HECW2: variants seen among roughly 807,000 people sequenced by gnomAD.
The protein encoded by HECW2 is HECT, C2 and WW domain containing E3 ubiquitin protein ligase 2, also known as E3 ubiquitin-protein ligase HECW2.
Under a neutral mutation model 175.2 loss-of-function variants are expected in HECW2, and 61 were observed. The ratio of observed to expected loss-of-function variants is 0.35; its 90% CI spans 0.28 to 0.43. The LOEUF is 0.43. Among genes scored for constraint, HECW2 ranks in the 20% least tolerant of loss-of-function variants. The pLI, the probability that HECW2 is intolerant of heterozygous loss-of-function variation, is 1.00. For missense variants in HECW2, 1,524 were observed against 2,000.5 expected (o/e 0.76, Z 4.54); for synonymous variants, 671 against 731.0 (o/e 0.92, Z 1.32).
chr2:196,566,830 G>T (rs907562705), intron 1 of HECW2, among the ~76,000 whole-genome samples: 2 of 147,562 alleles, frequency 1.4e-5, no homozygotes, highest in Non-Finnish European at 1.5e-5. Context: ...TACTTTCTAT[G>T]TATTACCCAA....
At chr2:196,338,799 G>A (rs1333614589) in intron 3 of HECW2, among the ~76,000 whole-genome samples, 5 of 152,118 alleles carry the variant, frequency 3.3e-5, no homozygotes, top group African/African-American at 9.7e-5. Context: ...CAAGCTAATC[G>A]TAATTTATTC....
chr2:196,420,915 C>A (rs1282826234), intron 2 of HECW2, among the ~76,000 whole-genome samples: 2 of 151,776 alleles, frequency 1.3e-5, no homozygotes, highest in Non-Finnish European at 2.9e-5. Flanking sequence ...ATGTCGTCAA[C>A]AATAAAAGAG....
intron 1 of HECW2, among the ~76,000 whole-genome samples, chr2:196,486,291 T>A (rs1295591849): frequency 6.6e-6 from 1 of 152,232 alleles, no homozygotes; most frequent in African/African-American, 2.4e-5. Context: ...AATGGTATTT[T>A]CACAGCTCTC....
chr2:196,331,221 G>A, intron 4 of HECW2: 1 of 984,806 alleles, frequency 1.0e-6, no homozygotes, highest in Non-Finnish European at 1.2e-6. Context: ...CAATTCCTGG[G>A]TCATAGAGTT....
At chr2:196,589,518 C>A (rs893882647) in intron 1 of HECW2, among the ~76,000 whole-genome samples, 1 of 152,152 alleles carries the variant, frequency 6.6e-6, no homozygotes, top group East Asian at 1.9e-4. Context: ...TCCCTCTCTG[C>A]GACCCCTCTG....
At chr2:196,253,218 A>C (rs1231167546) in intron 19 of HECW2, among the ~76,000 whole-genome samples, 1 of 152,238 alleles carries the variant, frequency 6.6e-6, no homozygotes, top group African/African-American at 2.4e-5. Flanking sequence ...ACTTCTACTG[A>C]AATCATTTTC....
At chr2:196,489,767 G>A (rs992582807) in intron 1 of HECW2, among the ~76,000 whole-genome samples, 2 of 152,176 alleles carry the variant, frequency 1.3e-5, no homozygotes, top group African/African-American at 4.8e-5. Flanking sequence ...GAATGGGAAT[G>A]CACTGTCCCC....
In HECW2 at chr2:196,194,118, T is replaced by G. The variant is rs1464393113; in HGVS notation, c.*7159A>C. 1 of 152,046 alleles carries G rather than the reference T, an allele frequency of 6.6e-6. No individual in the cohort carries two copies. 9.4% of individuals were successfully genotyped at this position (152,046 alleles called of 1,614,324 possible). ...GTATTATAATTCATTCCTTTAACAT[T>G]AACAGCCCATCAAACAGTAAAATAT... On this transcript the variant is annotated 3_prime_UTR_variant, in exon 29 of 29. Transcript: ENST00000644978.
chr2:196,390,677 C>T (rs567324220), intron 2 of HECW2, among the ~76,000 whole-genome samples: 1 of 152,146 alleles, frequency 6.6e-6, no homozygotes, highest in Non-Finnish European at 1.5e-5. Flanking sequence ...TTTTTATTAA[C>T]ACAACAGTTT....
intron 2 of HECW2, among the ~76,000 whole-genome samples, chr2:196,426,580 A>G (rs1695553697): frequency 6.6e-6 from 1 of 151,984 alleles, no homozygotes; most frequent in South Asian, 2.1e-4. Flanking sequence ...TCCTTTGTCA[A>G]TTAGATAGTT....
chr2:196,449,119 A>G (rs959496924), intron 1 of HECW2, among the ~76,000 whole-genome samples: 1 of 152,170 alleles, frequency 6.6e-6, no homozygotes, highest in Non-Finnish European at 1.5e-5. Context: ...GCCTAAAGAT[A>G]TGGGGAAAAA....
At chr2:196,475,274 C>T (rs958235394) in intron 1 of HECW2, among the ~76,000 whole-genome samples, 1 of 151,254 alleles carries the variant, frequency 6.6e-6, no homozygotes, top group African/African-American at 2.4e-5. Flanking sequence ...GCTAGAATTC[C>T]TTCAGCTGCA....
At chr2:196,527,678 A>C (rs958480314) in intron 1 of HECW2, among the ~76,000 whole-genome samples, 2 of 152,252 alleles carry the variant, frequency 1.3e-5, no homozygotes, top group African/African-American at 2.4e-5. Flanking sequence ...AAAATATACA[A>C]AACAGAATAC....
At chr2:196,571,693 T>G (rs1690394435) in intron 1 of HECW2, among the ~76,000 whole-genome samples, 1 of 151,330 alleles carries the variant, frequency 6.6e-6, no homozygotes, top group African/African-American at 2.4e-5. Flanking sequence ...GGGATGAGAT[T>G]CTGTCTCAAA....
Position 196,437,472 on chromosome 2 carries a change from C to T in HECW2, c.-35-4014G>A, listed in dbSNP as rs1649711573. ...ACTAAAAATACAAAAATTAGCTGGG[C>T]ATGGTGGAACATGCCTGTAATCCCA... On this transcript the variant is annotated intron_variant, in intron 1 of 28. Coordinates refer to ENST00000644978, the MANE Select transcript of HECW2 (RefSeq NM_001348768.2). 2.0e-5 allele frequency among the ~76,000 whole-genome samples: 3 copies of T among 151,784 alleles called. No homozygotes were observed. In the South Asian group the frequency reaches 6.3e-4, roughly 32 times the overall value.
At chr2:196,296,830 T>C (rs1462149029) in intron 13 of HECW2, among the ~76,000 whole-genome samples, 1 of 152,142 alleles carries the variant, frequency 6.6e-6, no homozygotes, top group Admixed American at 6.5e-5. Context: ...ACTAAACAGA[T>C]AGGATTAGGT....
intron 15 of HECW2, among the ~76,000 whole-genome samples, chr2:196,275,466 T>C (rs1377779875): frequency 6.6e-6 from 1 of 152,178 alleles, no homozygotes; most frequent in Non-Finnish European, 1.5e-5. Flanking sequence ...ATGCGGGAAA[T>C]GTGTGGGCCA....
At chr2:196,530,876 A>C (rs1214728247) in intron 1 of HECW2, among the ~76,000 whole-genome samples, 1 of 152,108 alleles carries the variant, frequency 6.6e-6, no homozygotes, top group African/African-American at 2.4e-5. Context: ...AGTATGTCCT[A>C]ATACTACACC....
chr2:196,392,491 T>A (rs1012678002), intron 2 of HECW2, among the ~76,000 whole-genome samples: 9 of 152,190 alleles, frequency 5.9e-5, no homozygotes, highest in East Asian at 5.8e-4. Context: ...AAATTTTTGT[T>A]AATTAATTTA....
Sources: gnomAD v4.1 joint callset for allele counts (sites outside exome capture counted in the v4.1 genomes callset) on GRCh38, gnomAD v4.1.1 for gene constraint, MANE v1.5 for transcripts, NCBI Gene and HGNC (gene_info 2026-07-23, HGNC 2026-07-21) for gene names.